NFASC: variants seen among roughly 807,000 people sequenced by gnomAD.
NFASC encodes neurofascin.
In NFASC, 43 loss-of-function variants were observed where a neutral mutation model predicts 147.5. The ratio of observed to expected loss-of-function variants is 0.29; its 90% CI spans 0.23 to 0.38. NFASC has a LOEUF of 0.38. NFASC is among the 10% of genes least tolerant of loss of function. NFASC has a pLI of 1.00. For missense variants in NFASC, 1,320 were observed against 1,689.0 expected (o/e 0.78, Z 3.83); for synonymous variants, 622 against 665.5 (o/e 0.93, Z 1.01).
At chr1:204,985,995 T>C in intron 21 of NFASC, 1 of 1,613,916 alleles carries the variant, frequency 6.2e-7, no homozygotes, top group Non-Finnish European at 8.5e-7. Context: ...GGTGACCGCC[T>C]CCGTGGCGTG....
chr1:205,002,809 A>C, intron 27 of NFASC, 61 bp downstream of exon 27: 1 of 1,287,024 alleles, frequency 7.8e-7, no homozygotes. Context: ...TCTCATCCTC[A>C]GCTTCCTGCT....
chr1:204,935,069 C>G (rs1483971978), intron 2 of NFASC, among the ~76,000 whole-genome samples: 1 of 152,158 alleles, frequency 6.6e-6, no homozygotes, highest in Non-Finnish European at 1.5e-5. Context: ...TGAATATATT[C>G]CAAAATGCTC....
intron 3 of NFASC, among the ~76,000 whole-genome samples, chr1:204,948,436 G>A (rs539445397): frequency 6.6e-6 from 1 of 152,306 alleles, no homozygotes; most frequent in South Asian, 2.1e-4. Context: ...GCTGGGGACA[G>A]CATCCAACCA....
intron 1 of NFASC, among the ~76,000 whole-genome samples, chr1:204,857,210 G>A (rs1368692830): frequency 6.6e-6 from 1 of 152,168 alleles, no homozygotes. Context: ...ACTTGAAGAT[G>A]ACCCCTTACA....
At chr1:204,936,615 A>G (rs896328061) in intron 2 of NFASC, among the ~76,000 whole-genome samples, 9 of 152,208 alleles carry the variant, frequency 5.9e-5, no homozygotes, top group African/African-American at 1.7e-4. Context: ...TTGTTGAAAG[A>G]GTGTGGGGTG....
intron 1 of NFASC, among the ~76,000 whole-genome samples, chr1:204,904,151 G>A (rs567591145): frequency 9.2e-5 from 14 of 152,302 alleles, no homozygotes; most frequent in African/African-American, 3.1e-4. Context: ...CCAAGCTGGA[G>A]TGCAGGTACA....
At chr1:204,933,464 A>T (rs2092548180) in intron 2 of NFASC, among the ~76,000 whole-genome samples, 2 of 152,294 alleles carry the variant, frequency 1.3e-5, no homozygotes, top group South Asian at 4.1e-4. Context: ...GATGGGGCAC[A>T]TGACCCCAAT....
chr1:205,008,055 C>T (rs546185481), intron 27 of NFASC, among the ~76,000 whole-genome samples: 25 of 152,226 alleles, frequency 1.6e-4, no homozygotes, highest in Middle Eastern at 3.4e-3. Context: ...CAGCCCGGGG[C>T]GCCCTGGGCA....
At chr1:204,943,852 A>C (rs1335982685) in intron 2 of NFASC, among the ~76,000 whole-genome samples, 1 of 152,174 alleles carries the variant, frequency 6.6e-6, no homozygotes, top group African/African-American at 2.4e-5. Flanking sequence ...GTTTGTTTTC[A>C]TGACTGTTCT....
At chr1:204,915,965 A>C (rs1338997100) in intron 1 of NFASC, among the ~76,000 whole-genome samples, 1 of 152,218 alleles carries the variant, frequency 6.6e-6, no homozygotes, top group Admixed American at 6.5e-5. Flanking sequence ...GGAGCTGGTT[A>C]GCAACCCCAG....
intron 2 of NFASC, among the ~76,000 whole-genome samples, chr1:204,941,974 G>T (rs892199812): frequency 6.6e-6 from 1 of 152,062 alleles, no homozygotes; most frequent in African/African-American, 2.4e-5. Context: ...GGTCCAAATG[G>T]CTTCTTATTT....
chr1:204,837,892 A>T (rs1674218014), intron 1 of NFASC, among the ~76,000 whole-genome samples: 2 of 152,184 alleles, frequency 1.3e-5, no homozygotes, highest in Non-Finnish European at 2.9e-5. Context: ...CCACGTATGC[A>T]GGCTAAGATG....
intron 2 of NFASC, among the ~76,000 whole-genome samples, chr1:204,928,614 AGGG>A (rs2091996581): frequency 2.6e-5 from 4 of 152,336 alleles, no homozygotes; most frequent in Admixed American, 2.6e-4. Flanking sequence ...TTGTTGTAAT[AGGG>A]GGGAAAATAA....
intron 1 of NFASC, among the ~76,000 whole-genome samples, chr1:204,891,491 T>TA (rs2082378280): frequency 6.6e-6 from 1 of 152,174 alleles, no homozygotes; most frequent in Non-Finnish European, 1.5e-5. Flanking sequence ...TAAGAGGCCC[T>TA]AGGGCTAGAA....
chr1:204,887,483 G>A (rs563993134), intron 1 of NFASC, among the ~76,000 whole-genome samples: 2 of 151,482 alleles, frequency 1.3e-5, no homozygotes, highest in South Asian at 4.2e-4. Flanking sequence ...AGCTCTTCAA[G>A]TGCCTGCTTC....
At position 205,008,051 on chromosome 1, in the gene NFASC, G is replaced by A. The variant is rs78391223; in HGVS notation, c.3290-1506G>A. Among the ~76,000 whole-genome samples, 688 of 152,162 alleles carry A rather than the reference G, an allele frequency of 4.5e-3. 14 individuals carry two copies. In the East Asian group the frequency reaches 0.053, roughly 12 times the overall value. On this transcript the variant is annotated intron_variant, in intron 27 of 29. Coordinates refer to ENST00000339876, the MANE Select transcript of NFASC (RefSeq NM_001005388.3). ...GCAGGCCTCACCTGCTTTTCAGCCC[G>A]GGGCGCCCTGGGCAACCAGAGTGCA...
In NFASC at chr1:204,997,490, G is replaced by A. The variant is rs147142708; in HGVS notation, c.3019+84G>A. On this transcript the variant is annotated intron_variant, in intron 25 of 29. Coordinates refer to ENST00000339876, the MANE Select transcript of NFASC (RefSeq NM_001005388.3). The stretch of plus-strand genomic sequence containing the variant: ...AGACGAACCCACAGGCTCCCCCAGC[G>A]AGGAGGTGGGGTCTGGGGTGGTGTT... The A allele has an allele frequency of 1.6e-3, 2,302 of 1,473,816 alleles. 25 individuals are homozygous for A. The African/African-American group carries it at 0.028, about 18-fold the overall frequency. 91.3% of individuals were successfully genotyped at this position (1,473,816 alleles called of 1,614,324 possible).
At chr1:204,882,428 C>T (rs539921085) in intron 1 of NFASC, among the ~76,000 whole-genome samples, 1 of 147,784 alleles carries the variant, frequency 6.8e-6, no homozygotes, top group South Asian at 2.2e-4. Flanking sequence ...TTAAGCTATT[C>T]CCCCCCTCAC....
At chr1:204,995,541 G>A (rs1232484230) in intron 24 of NFASC, among the ~76,000 whole-genome samples, 1 of 152,108 alleles carries the variant, frequency 6.6e-6, no homozygotes, top group Non-Finnish European at 1.5e-5. Context: ...ACCGGGGTTT[G>A]GGGAGTATAG....
Sources: gnomAD v4.1 joint callset for allele counts (sites outside exome capture counted in the v4.1 genomes callset) on GRCh38, gnomAD v4.1.1 for gene constraint, MANE v1.5 for transcripts, NCBI Gene and HGNC (gene_info 2026-07-23, HGNC 2026-07-21) for gene names.